Variants in MBD3 observed in about 807,000 individuals in gnomAD.
The protein encoded by MBD3 is methyl-CpG-binding domain protein 3.
Under a neutral mutation model 31.2 loss-of-function variants are expected in MBD3, and 13 were observed. That is an observed-to-expected ratio of 0.42 (90% CI 0.27 to 0.66). MBD3 has a LOEUF of 0.66. MBD3 is among the 30% of genes least tolerant of loss of function. The pLI is 0.26. For missense variants in MBD3, 440 were observed against 426.5 expected (o/e 1.03, Z -0.28); for synonymous variants, 223 against 187.4 (o/e 1.19, Z -1.55).
In MBD3 at chr19:1,592,534, A is replaced by T. The variant is rs1032054310; in HGVS notation, c.98T>A (p.Val33Asp). The change falls in exon 1 of 7, where the codon GTC becomes GAC. Residue 33 changes from valine (V) to aspartate (D), a missense_variant. Around this residue, in one of 3 missense-constraint regions of MBD3, gnomAD observed 179 missense variants for 134.7 expected, o/e 1.33. Coordinates refer to ENST00000434436, the MANE Select transcript of MBD3 (RefSeq NM_001281453.2). The part of the protein sequence containing the change: ...RSGLSAGHRD[V>D]FYYSPSGKKF... ...CGCGCTCATTCACCTATAGTAAAAG[A>T]CATCCCTGTGGCCGGCCGACAGCCC... The T allele has an allele frequency of 1.4e-6, 2 of 1,430,510 alleles. No individual in the cohort carries two copies. The highest frequency in any genetic ancestry group is 2.0e-5 in the Admixed American group (1 of 50,888). The allele number at this position is 1,430,510 out of a possible 1,614,324, so 88.6% of individuals were successfully genotyped here. A position where few individuals can be genotyped will look rare whatever the true frequency, so the allele number is the denominator to read the frequency against.
rs527791316 is a variant in MBD3 at position 1,581,584 on chromosome 19, A to G, written c.500-315T>C. On this transcript the variant is annotated intron_variant, in intron 4 of 6. Coordinates refer to ENST00000434436, the MANE Select transcript of MBD3 (RefSeq NM_001281453.2). ...ACAGTGAGACTCCTGTCTCTACAAA[A>G]TAATTCAAAAATTAGCCAGGTGTCA... 3.5e-3 allele frequency: 1,510 copies of G among 436,990 alleles called. 5 individuals are homozygous for G. The highest frequency in any genetic ancestry group is 4.5e-3 in the South Asian group (214 of 47,726). The allele number at this position is 436,990 out of a possible 1,614,324, so 27.1% of individuals were successfully genotyped here.
At position 1,592,721 on chromosome 19, in the gene MBD3, T is replaced by C. The variant is rs1015297786; in HGVS notation, c.-90A>G. ...CCGCCTCAGCTGCCTCCGCTGCCGC[T>C]GCCGCCGCCGCCACTTGCCGCGGCT... On this transcript the variant is annotated 5_prime_UTR_variant, in exon 1 of 7. Transcript: ENST00000434436. 1.1e-4 allele frequency: 33 copies of C among 305,796 alleles called. 1 individual carries two copies. Among genetic ancestry groups the C allele is most frequent in the African/African-American group, 5.0e-4 (22 of 43,708 alleles). The allele number at this position is 305,796 out of a possible 1,614,324, so 18.9% of individuals were successfully genotyped here. A position where few individuals can be genotyped will look rare whatever the true frequency, so the allele number is the denominator to read the frequency against.
At position 1,590,752 on chromosome 19, in the gene MBD3, C is replaced by T. The variant is rs1413949698; in HGVS notation, c.110+1770G>A. ...AAAGAACAGCCTTGATAAAACCACA[C>T]GTATAGAAAAAAGTGGGCAACATGG... On this transcript the variant is annotated intron_variant, in intron 1 of 6. Transcript: ENST00000434436. Among the ~76,000 whole-genome samples the T allele has an allele frequency of 4.6e-5, 7 of 152,170 alleles. No individual in the cohort carries two copies. The East Asian group carries it at 7.7e-4, about 17-fold the overall frequency.
Position 1,592,543 on chromosome 19 carries a change from T to A in MBD3, c.89A>T (p.His30Leu). 1 of 1,435,294 alleles carries A rather than the reference T, an allele frequency of 7.0e-7. No individual in the cohort carries two copies. The highest frequency in any genetic ancestry group is 1.9e-4 in the Middle Eastern group (1 of 5,238). The allele number at this position is 1,435,294 out of a possible 1,614,324, so 88.9% of individuals were successfully genotyped here. Reference protein sequence around the residue: ...VPRRSGLSAGHRDVFYYSPSG... With the variant: ...VPRRSGLSAGLRDVFYYSPSG... ...TCACCTATAGTAAAAGACATCCCTG[T>A]GGCCGGCCGACAGCCCCGACCTTCT... The change falls in exon 1 of 7, where the codon CAC becomes CTC. Residue 30 changes from histidine (H) to leucine (L), a missense_variant. Coordinates refer to ENST00000434436, the MANE Select transcript of MBD3 (RefSeq NM_001281453.2).
At chr19:1,582,792 C>T in intron 3 of MBD3, 80 bp from the exon 4 acceptor site, 1 of 1,290,238 alleles carries the variant, frequency 7.8e-7, no homozygotes, top group Non-Finnish European at 1.1e-6. Context: ...TCCAGGGAGG[C>T]CCACCTGGCC....
intron 1 of MBD3, chr19:1,592,288 T>C (rs932697833): frequency 1.7e-4 from 27 of 159,400 alleles, no homozygotes; most frequent in Non-Finnish European, 3.2e-4. Flanking sequence ...AAGGCCGCAG[T>C]CGCCGTCCGG....
rs769034256 is a variant in MBD3, at chr19:1,578,394, G to C, written c.822C>G (p.Asp274Glu). 16 of 1,603,574 alleles carry C rather than the reference G, an allele frequency of 1.0e-5. No individual in the cohort carries two copies. Among genetic ancestry groups the C allele is most frequent in the African/African-American group, 1.3e-5 (1 of 74,984 alleles). The change falls in exon 6 of 7, where the codon GAC (aspartate) becomes GAG (glutamate). Residue 274 changes from aspartate (D) to glutamate (E), a missense_variant. Asp to Glu is a conservative substitution (Grantham distance 45). Around this residue, in one of 3 missense-constraint regions of MBD3, gnomAD observed 117 missense variants for 95.0 expected, o/e 1.23. Transcript: ENST00000434436. The surrounding 1 kb of genome is among the most constrained non-coding windows in gnomAD (Gnocchi z 6.1). ...KACAEDDDEE[D>E]EEEEEEEPDP... Reference sequence around the variant, plus strand: ...CGGGCTCCTCCTCCTCCTCCTCCTCGTCTTCCTCGTCGTCGTCCTCAGCGC... The same window carrying C: ...CGGGCTCCTCCTCCTCCTCCTCCTCCTCTTCCTCGTCGTCGTCCTCAGCGC...
intron 1 of MBD3, among the ~76,000 whole-genome samples, chr19:1,588,779 CAAAAAA>C (rs750933978): frequency 1.8e-4 from 10 of 54,964 alleles, no homozygotes; most frequent in African/African-American, 5.3e-4. Flanking sequence ...ACTGTGTCTC[CAAAAAA>C]AAAAAAAAAA....
At chr19:1,590,334 G>C (rs929758334) in intron 1 of MBD3, among the ~76,000 whole-genome samples, 3 of 151,226 alleles carry the variant, frequency 2.0e-5, no homozygotes, top group African/African-American at 7.3e-5. Flanking sequence ...TTTCTAAAAA[G>C]TGGCTTTGGC....
rs376503261 is a variant in MBD3, at chr19:1,581,181, G to C, written c.588C>G (p.Leu196=). 3.1e-6 allele frequency: 5 copies of C among 1,613,934 alleles called. No individual in the cohort carries two copies. Among genetic ancestry groups the C allele is most frequent in the Non-Finnish European group, 4.2e-6 (5 of 1,180,034 alleles). ...CGGGGTTCTTCTCCACGGCGGCCGA[G>C]AGCTGTCCCGTGATGGGCATGGTGC... The part of the protein sequence containing the change: ...HTSTMPITGQ[L]SAAVEKNPGV... Residue 196 remains leucine, a synonymous_variant, in exon 5 of 7, where the codon CTC becomes CTG. Coordinates refer to ENST00000434436, the MANE Select transcript of MBD3 (RefSeq NM_001281453.2).
chr19:1,580,252 G>A (rs539210586), intron 5 of MBD3, among the ~76,000 whole-genome samples: 18 of 152,306 alleles, frequency 1.2e-4, no homozygotes, highest in Middle Eastern at 3.4e-3. Flanking sequence ...GGAGGATGCC[G>A]CCAGCCGCTC....
chr19:1,578,170 A>G lies in MBD3; in HGVS notation c.*6-12T>C. On this transcript the variant is annotated splice_polypyrimidine_tract_variant and intron_variant, in intron 6 of 6. Coordinates refer to ENST00000434436, the MANE Select transcript of MBD3 (RefSeq NM_001281453.2). The surrounding 1 kb of genome is among the most constrained non-coding windows in gnomAD (Gnocchi z 6.1). ...TCTCGGCAGGGCCTCTGGAAAGGAC[A>G]GGGAGGGCTGGCTTTAGCGACTCCA... The G allele has an allele frequency of 9.3e-7, 1 of 1,079,728 alleles. No individual in the cohort carries two copies. The highest frequency in any genetic ancestry group is 1.5e-5 in the South Asian group (1 of 66,430). The allele number at this position is 1,079,728 out of a possible 1,614,324, so 66.9% of individuals were successfully genotyped here. A position where few individuals can be genotyped will look rare whatever the true frequency, so the allele number is the denominator to read the frequency against.
intron 5 of MBD3, 22 bp downstream of exon 5, chr19:1,581,069 AG>A (rs771057049): frequency 1.9e-6 from 3 of 1,613,978 alleles, no homozygotes; most frequent in Admixed American, 1.7e-5. Flanking sequence ...GTGGAGCAGC[AG>A]GGGACCAGGC....
chr19:1,580,190 T>C (rs2238591), intron 5 of MBD3, among the ~76,000 whole-genome samples: 10,337 of 152,174 alleles, frequency 0.068, 470 homozygotes, highest in East Asian at 0.25. Context: ...GCGCAGAGAG[T>C]GTAAATGGAC....
intron 5 of MBD3, 143 bp downstream of exon 5, chr19:1,580,949 T>C: frequency 9.4e-7 from 1 of 1,065,204 alleles, no homozygotes; most frequent in Non-Finnish European, 1.4e-6. Flanking sequence ...CGACGATGGG[T>C]CCCCTTGCCC....
At chr19:1,582,887 G>A (rs376158622) in intron 3 of MBD3, among the ~76,000 whole-genome samples, 175 bp from the exon 4 acceptor site, 1 of 152,154 alleles carries the variant, frequency 6.6e-6, no homozygotes. Flanking sequence ...TCCACAGCCA[G>A]GGATCCAGTG....
At chr19:1,581,055 CA>C (rs1433765756) in intron 5 of MBD3, 36 bp downstream of exon 5, 1 of 1,613,332 alleles carries the variant, frequency 6.2e-7, no homozygotes, top group Admixed American at 1.7e-5. Flanking sequence ...CCACAAGAGA[CA>C]GGGTGGAGCA....
At position 1,574,242 on chromosome 19, in the gene MBD3, G is replaced by C. The variant is rs181051178; in HGVS notation, c.*3922C>G. On this transcript the variant is annotated 3_prime_UTR_variant, in exon 7 of 7. Coordinates refer to ENST00000434436, the MANE Select transcript of MBD3 (RefSeq NM_001281453.2). ...GAACCCAGGAGGCAGAGCTTGCAGT[G>C]AGCAGAGATCACACCATTGCACTCC... is the stretch of plus-strand genomic sequence containing the variant. 6.6e-6 allele frequency: 1 copy of C among 152,298 alleles called. No individual in the cohort carries two copies. Among genetic ancestry groups the C allele is most frequent in the African/African-American group, 2.4e-5 (1 of 41,484 alleles). The allele number at this position is 152,298 out of a possible 1,614,324, so 9.4% of individuals were successfully genotyped here.
chr19:1,587,667 G>A (rs928063857), intron 1 of MBD3, among the ~76,000 whole-genome samples: 1 of 152,124 alleles, frequency 6.6e-6, no homozygotes, highest in African/African-American at 2.4e-5. Flanking sequence ...CTCCTGCCTC[G>A]ACCTCCCAAA....
Sources: allele counts gnomAD v4.1 joint callset (sites outside exome capture counted in the v4.1 genomes callset), GRCh38; gene constraint gnomAD v4.1.1; regional missense constraint gnomAD v4.1.1; non-coding constraint Gnocchi (gnomAD v3.1); transcripts MANE v1.5; gene names NCBI Gene and HGNC (gene_info 2026-07-23, HGNC 2026-07-21).